The following THUMPD2 variants were observed in gnomAD, a reference collection of about 807,000 sequenced individuals.
THUMPD2 encodes THUMP domain 2 tRNA and snRNA guanosine methyltransferase.
Under a neutral mutation model 49.4 loss-of-function variants are expected in THUMPD2, and 56 were observed. The observed-to-expected ratio is 1.13, with a 90% CI of 0.91 to 1.41. The LOEUF (loss-of-function observed/expected upper bound fraction) is 1.41. THUMPD2 is among the 40% of genes most tolerant of loss of function. The pLI is 0.00. For missense variants in THUMPD2, 709 were observed against 594.5 expected (o/e 1.19, Z -2.00); for synonymous variants, 237 against 205.2 (o/e 1.15, Z -1.32).
At chr2:39,777,668 T>A (rs917397697) in intron 1 of THUMPD2, among the ~76,000 whole-genome samples, 2 of 152,232 alleles carry the variant, frequency 1.3e-5, no homozygotes, top group Non-Finnish European at 2.9e-5. Flanking sequence ...AGATTATTTG[T>A]TCAGATCCCA....
Position 39,736,867 on chromosome 2 carries a change from G to A in THUMPD2, c.1380C>T (p.Ala460=), listed in dbSNP as rs1673148113. The change falls in exon 10 of 10, where the codon GCC becomes GCT. Residue 460 remains alanine (A), a synonymous_variant. Coordinates refer to ENST00000505747, the MANE Select transcript of THUMPD2 (RefSeq NM_025264.5). ...AFKTASTSFE[A]SNHKFLDRMS... is the part of the protein sequence containing the mutation. ...TTCTGTCTAAGAATTTGTGGTTACT[G>A]GCTTCGAATGAAGTTGACGCTGTCT... 6.2e-7 allele frequency: 1 copy of A among 1,614,190 alleles called. No individual in the cohort carries two copies. Among genetic ancestry groups the A allele is most frequent in the Non-Finnish European group, 8.5e-7 (1 of 1,180,024 alleles).
At chr2:39,763,354 A>C (rs1323910691) in intron 5 of THUMPD2, among the ~76,000 whole-genome samples, 2 of 152,168 alleles carry the variant, frequency 1.3e-5, no homozygotes, top group Non-Finnish European at 2.9e-5. Context: ...CCTGGATTTC[A>C]TATATTGATA....
intron 6 of THUMPD2, among the ~76,000 whole-genome samples, chr2:39,760,601 G>A (rs549524248): frequency 6.6e-6 from 1 of 152,104 alleles, no homozygotes; most frequent in African/African-American, 2.4e-5. Context: ...GACCATCAGA[G>A]TGGAGTAAAA....
intron 1 of THUMPD2, among the ~76,000 whole-genome samples, chr2:39,778,043 C>A (rs899287745): frequency 6.6e-6 from 1 of 152,154 alleles, no homozygotes; most frequent in Non-Finnish European, 1.5e-5. Flanking sequence ...GGGTTTGAAT[C>A]CCATCTTTGC....
intron 8 of THUMPD2, among the ~76,000 whole-genome samples, chr2:39,751,893 G>A (rs1389300552): frequency 2.6e-5 from 4 of 151,896 alleles, no homozygotes; most frequent in Non-Finnish European, 2.9e-5. Flanking sequence ...CACCATGTTG[G>A]CCAGGCTGGT....
intron 1 of THUMPD2, among the ~76,000 whole-genome samples, chr2:39,777,921 C>T (rs1335357822): frequency 6.6e-6 from 1 of 152,050 alleles, no homozygotes; most frequent in African/African-American, 2.4e-5. Context: ...TCTTTCATAC[C>T]AAGCACTCTA....
chr2:39,768,165 GT>G (rs1173894049), intron 4 of THUMPD2, among the ~76,000 whole-genome samples: 5 of 152,010 alleles, frequency 3.3e-5, no homozygotes, highest in African/African-American at 4.8e-5. Context: ...CATAATAAAT[GT>G]TTTTTTCTTC....
At chr2:39,768,393 A>G in intron 4 of THUMPD2, 31 bp downstream of exon 4, 1 of 1,523,318 alleles carries the variant, frequency 6.6e-7, no homozygotes, top group Non-Finnish European at 9.1e-7. Context: ...ATTAGGTTAC[A>G]AGTATATAAA....
intron 9 of THUMPD2, among the ~76,000 whole-genome samples, chr2:39,738,841 A>G (rs984328301): frequency 1.3e-5 from 2 of 152,064 alleles, no homozygotes; most frequent in African/African-American, 4.8e-5. Context: ...CTGGAAACTG[A>G]GGAAGCAGAG....
chr2:39,753,454 C>T (rs1675683061), intron 8 of THUMPD2, among the ~76,000 whole-genome samples: 1 of 152,194 alleles, frequency 6.6e-6, no homozygotes. Flanking sequence ...TCTACTTACA[C>T]TCATTCCCTA....
intron 9 of THUMPD2, among the ~76,000 whole-genome samples, chr2:39,743,970 A>G (rs982695552): frequency 1.3e-5 from 2 of 152,034 alleles, no homozygotes; most frequent in South Asian, 2.1e-4. Flanking sequence ...CAGAGTGATC[A>G]TAAGAAAGTT....
chr2:39,739,570 T>C (rs1457581340), intron 9 of THUMPD2, among the ~76,000 whole-genome samples: 1 of 152,222 alleles, frequency 6.6e-6, no homozygotes, highest in Non-Finnish European at 1.5e-5. Context: ...CTTCTCACAA[T>C]GAATGGTCAG....
In THUMPD2 at chr2:39,768,412, A is replaced by G; in HGVS notation, c.750+12T>C. On this transcript the variant is annotated intron_variant, in intron 4 of 9. Coordinates refer to ENST00000505747, the MANE Select transcript of THUMPD2 (RefSeq NM_025264.5). ...GGTTACAAGTATATAAAATAAAACA[A>G]ATACTCATTACCTCTAATTGTGGAT... The G allele has an allele frequency of 6.3e-7, 1 of 1,599,408 alleles. No individual in the cohort carries two copies. Among genetic ancestry groups the G allele is most frequent in the Non-Finnish European group, 8.6e-7 (1 of 1,169,398 alleles).
intron 8 of THUMPD2, among the ~76,000 whole-genome samples, chr2:39,750,330 C>T (rs1351965160): frequency 1.3e-5 from 2 of 152,152 alleles, no homozygotes; most frequent in Non-Finnish European, 2.9e-5. Flanking sequence ...GGTTTTGATT[C>T]GCATTTCTCT....
chr2:39,770,279 C>T (rs1678134994), intron 2 of THUMPD2, among the ~76,000 whole-genome samples, 160 bp from the exon 3 acceptor site: 1 of 152,044 alleles, frequency 6.6e-6, no homozygotes, highest in Non-Finnish European at 1.5e-5. Context: ...ATTCCATTTA[C>T]CATAAGAATA....
rs115465877 is a variant in THUMPD2 at position 39,759,039 on chromosome 2, A to G, written c.891+2292T>C. 4.6e-3 allele frequency among the ~76,000 whole-genome samples: 694 copies of G among 152,272 alleles called. 5 individuals are homozygous for G. Among genetic ancestry groups the G allele is most frequent in the African/African-American group, 0.016 (675 of 41,558 alleles). ...GTCTCTGTGACTCTTGTAATTTGGA[A>G]GATAATGTTCAAGAATAACTAAAAA... On this transcript the variant is annotated intron_variant, in intron 6 of 9. Coordinates refer to ENST00000505747, the MANE Select transcript of THUMPD2 (RefSeq NM_025264.5).
chr2:39,771,056 C>T (rs946945860), intron 2 of THUMPD2, among the ~76,000 whole-genome samples: 15 of 151,856 alleles, frequency 9.9e-5, no homozygotes. Flanking sequence ...ATAAGTTTAT[C>T]GAAAACATTT....
At chr2:39,754,549 A>G (rs1172100699) in intron 8 of THUMPD2, among the ~76,000 whole-genome samples, 1 of 152,232 alleles carries the variant, frequency 6.6e-6, no homozygotes, top group African/African-American at 2.4e-5. Context: ...TCAACAGAAT[A>G]CAATGTTCTT....
intron 3 of THUMPD2, 107 bp from the exon 4 acceptor site, chr2:39,768,608 C>A: frequency 2.2e-6 from 2 of 906,460 alleles, no homozygotes; most frequent in Non-Finnish European, 3.4e-6. Flanking sequence ...GTCAGGCTAT[C>A]TGATGGTAAT....
Sources: allele counts gnomAD v4.1 joint callset (sites outside exome capture counted in the v4.1 genomes callset), GRCh38; gene constraint gnomAD v4.1.1; transcripts MANE v1.5; gene names NCBI Gene and HGNC (gene_info 2026-07-23, HGNC 2026-07-21).